ADGRL3: variants seen among roughly 807,000 people sequenced by gnomAD.
ADGRL3 encodes calcium-independent alpha-latrotoxin receptor 3.
In ADGRL3, 62 loss-of-function variants were observed where a neutral mutation model predicts 153.5. The observed-to-expected ratio is 0.40, with a 90% confidence interval of 0.33 to 0.50. The LOEUF (loss-of-function observed/expected upper bound fraction) is 0.50, where lower values mean the gene tolerates loss of function less well. ADGRL3 is among the 20% of genes least tolerant of loss of function. The pLI, the probability that ADGRL3 is intolerant of heterozygous loss-of-function variation, is 0.47. For synonymous variants in ADGRL3, 710 were observed against 672.5 expected (o/e 1.06, Z -0.86); for missense variants, 1,641 against 1,859.4 (o/e 0.88, Z 2.16).
intron 8 of ADGRL3, among the ~76,000 whole-genome samples, chr4:61,751,663 C>G (rs2096758822): frequency 6.6e-6 from 1 of 152,138 alleles, no homozygotes; most frequent in African/African-American, 2.4e-5. Context: ...TAGTTAGAAA[C>G]TTTTGCAGAG....
At position 61,433,365 on chromosome 4, in the gene ADGRL3, T is replaced by TA. The variant is rs373967837; in HGVS notation, c.-174+50185dup. ...TCAGGACTGTGAATAGCTTTTTTTT[T>TA]AAAAAAAAATCAGGCCACCTCTCTC... On this transcript the variant is annotated intron_variant, in intron 2 of 26. Coordinates refer to ENST00000683033, the MANE Select transcript of ADGRL3 (RefSeq NM_001387552.1). Among the ~76,000 whole-genome samples, 396 of 151,300 alleles carry TA rather than the reference T, an allele frequency of 2.6e-3. 4 individuals are homozygous for TA. The highest frequency in any genetic ancestry group is 4.1e-3 in the Non-Finnish European group (280 of 67,766).
chr4:61,885,136 C>G (rs1342377158), intron 9 of ADGRL3, among the ~76,000 whole-genome samples: 1 of 151,726 alleles, frequency 6.6e-6, no homozygotes, highest in South Asian at 2.1e-4. Context: ...AGTAGTCTGG[C>G]GTGGTGGTGC....
chr4:61,672,996 A>G (rs769763619), intron 5 of ADGRL3, among the ~76,000 whole-genome samples: 7 of 152,046 alleles, frequency 4.6e-5, no homozygotes, highest in Non-Finnish European at 1.0e-4. Context: ...AATATTATTC[A>G]GCCTTAAAAA....
At chr4:61,735,243 A>G (rs1176939764) in intron 8 of ADGRL3, among the ~76,000 whole-genome samples, 1 of 152,246 alleles carries the variant, frequency 6.6e-6, no homozygotes, top group East Asian at 1.9e-4. Context: ...CTTCTTATTC[A>G]GATAGGATGA....
intron 1 of ADGRL3, among the ~76,000 whole-genome samples, chr4:61,321,754 C>T (rs2095360833): frequency 6.6e-6 from 1 of 151,990 alleles, no homozygotes; most frequent in Non-Finnish European, 1.5e-5. Flanking sequence ...ATATTATAAT[C>T]TTATGGGACC....
At chr4:61,717,633 T>C (rs2096147835) in intron 6 of ADGRL3, among the ~76,000 whole-genome samples, 1 of 152,186 alleles carries the variant, frequency 6.6e-6, no homozygotes, top group African/African-American at 2.4e-5. Flanking sequence ...TTGTTGGCTA[T>C]TGTTTCTATA....
rs1333405216 is a variant in ADGRL3 at position 62,059,763 on chromosome 4, G to A, written c.3815-8403G>A. On this transcript the variant is annotated intron_variant, in intron 25 of 26. Transcript: ENST00000683033. Reference sequence around the variant, plus strand: ...AATATTGTTCCATGTAGCCACCATTGTGTCATACACTTAGCTATATAGTAT... The same window carrying A: ...AATATTGTTCCATGTAGCCACCATTATGTCATACACTTAGCTATATAGTAT... 3.9e-5 allele frequency among the ~76,000 whole-genome samples: 6 copies of A among 152,102 alleles called. No individual in the cohort carries two copies. In the East Asian group the frequency reaches 1.2e-3, roughly 29 times the overall value.
chr4:62,045,235 TTCTC>T (rs578021736), intron 25 of ADGRL3, among the ~76,000 whole-genome samples: 55 of 151,924 alleles, frequency 3.6e-4, no homozygotes, highest in South Asian at 1.0e-3. Flanking sequence ...CTCTTTCTCT[TTCTC>T]TCTCAACCTC....
intron 13 of ADGRL3, among the ~76,000 whole-genome samples, chr4:61,925,556 G>A (rs1281427814): frequency 6.6e-6 from 1 of 152,114 alleles, no homozygotes; most frequent in African/African-American, 2.4e-5. Context: ...TTAGCTTCTG[G>A]GGTGGGCTCT....
At chr4:61,388,929 C>G (rs1578587448) in intron 2 of ADGRL3, among the ~76,000 whole-genome samples, 1 of 152,314 alleles carries the variant, frequency 6.6e-6, no homozygotes, top group East Asian at 1.9e-4. Context: ...CCCCCATCTC[C>G]TGCCTTATTT....
chr4:61,451,452 T>G (rs10009335), intron 2 of ADGRL3, among the ~76,000 whole-genome samples: 35,144 of 152,014 alleles, frequency 0.23, 4,163 homozygotes, highest in South Asian at 0.29. Flanking sequence ...TGTTGAATGC[T>G]AATAGATTGA....
At chr4:61,372,857 A>T (rs1249764739) in intron 1 of ADGRL3, among the ~76,000 whole-genome samples, 3 of 151,374 alleles carry the variant, frequency 2.0e-5, no homozygotes, top group Non-Finnish European at 4.4e-5. Flanking sequence ...TTGATCTCAG[A>T]CTGCTGTGCT....
chr4:61,491,709 G>C (rs1052805809), intron 2 of ADGRL3, among the ~76,000 whole-genome samples: 1 of 151,950 alleles, frequency 6.6e-6, no homozygotes, highest in African/African-American at 2.4e-5. Flanking sequence ...CATGAGCCAC[G>C]ATGCCTGTCC....
chr4:61,398,577 C>A (rs1449384287), intron 2 of ADGRL3, among the ~76,000 whole-genome samples: 2 of 151,618 alleles, frequency 1.3e-5, no homozygotes, highest in Non-Finnish European at 3.0e-5. Context: ...AAAGTAATTA[C>A]TTCTTTTTTG....
intron 21 of ADGRL3, among the ~76,000 whole-genome samples, chr4:62,022,249 C>G (rs1445477339): frequency 6.6e-6 from 1 of 152,160 alleles, no homozygotes; most frequent in Non-Finnish European, 1.5e-5. Context: ...GTGCAAGGCC[C>G]TAACTCTCTT....
chr4:61,774,048 C>T (rs747159135), intron 8 of ADGRL3, among the ~76,000 whole-genome samples: 6 of 152,012 alleles, frequency 3.9e-5, no homozygotes, highest in Non-Finnish European at 8.8e-5. Flanking sequence ...GAGTAAACAA[C>T]ATCAGATCAA....
At chr4:61,855,616 T>C (rs980654135) in intron 9 of ADGRL3, among the ~76,000 whole-genome samples, 4 of 152,174 alleles carry the variant, frequency 2.6e-5, no homozygotes, top group African/African-American at 9.7e-5. Context: ...TTCTTTCTGA[T>C]ATCAGCATGC....
chr4:61,297,347 A>G lies in ADGRL3; in HGVS notation c.-239-85777A>G, dbSNP rs533139270. Among the ~76,000 whole-genome samples the G allele has an allele frequency of 7.2e-5, 11 of 152,164 alleles. No homozygotes were observed. In the East Asian group the frequency reaches 2.1e-3, roughly 29 times the overall value. ...TAGGCAGCTACCTAATCAGTTTATT[A>G]GTTTGCATGTGCCTCATATAATATA... is the stretch of plus-strand genomic sequence containing the variant. On this transcript the variant is annotated intron_variant, in intron 1 of 26. Transcript: ENST00000683033.
intron 1 of ADGRL3, among the ~76,000 whole-genome samples, chr4:61,358,888 T>C (rs927549272): frequency 6.6e-6 from 1 of 152,186 alleles, no homozygotes; most frequent in Non-Finnish European, 1.5e-5. Flanking sequence ...AGCCCAAATG[T>C]TCCACTCTAG....
Sources: allele counts gnomAD v4.1 joint callset (sites outside exome capture counted in the v4.1 genomes callset), GRCh38; gene constraint gnomAD v4.1.1; transcripts MANE v1.5; gene names NCBI Gene and HGNC (gene_info 2026-07-23, HGNC 2026-07-21).